PLPPR1: variants seen among roughly 807,000 people sequenced by gnomAD.
PLPPR1 encodes the protein phospholipid phosphatase related 1, also known as phospholipid phosphatase-related protein type 1.
In PLPPR1, 10 loss-of-function variants were observed where a neutral mutation model predicts 33.1. The observed-to-expected ratio is 0.30, with a 90% CI of 0.19 to 0.51. The LOEUF (loss-of-function observed/expected upper bound fraction) is 0.51, where lower values mean the gene tolerates loss of function less well. Ranked by LOEUF, PLPPR1 falls within the 20% of genes least tolerant of loss-of-function variation. PLPPR1 has a pLI of 0.97. For missense variants in PLPPR1, 304 were observed against 408.1 expected (o/e 0.74, Z 2.20); for synonymous variants, 151 against 151.0 (o/e 1.00, Z 0.00).
At chr9:101,180,089 CTCCTT>C (rs1826075396) in intron 1 of PLPPR1, among the ~76,000 whole-genome samples, 1 of 114,600 alleles carries the variant, frequency 8.7e-6, no homozygotes, top group Non-Finnish European at 1.8e-5. Context: ...TTAATAAACT[CTCCTT>C]TATATATATA....
chr9:101,150,535 CTGTTA>C (rs1445991142), intron 1 of PLPPR1, among the ~76,000 whole-genome samples: 2 of 152,176 alleles, frequency 1.3e-5, no homozygotes, highest in African/African-American at 4.8e-5. Context: ...CTCACAAAAT[CTGTTA>C]TGTTTTGTGT....
intron 3 of PLPPR1, among the ~76,000 whole-genome samples, chr9:101,271,622 C>T (rs914692907): frequency 1.3e-5 from 2 of 152,164 alleles, no homozygotes; most frequent in East Asian, 1.9e-4. Flanking sequence ...CCACACCCCA[C>T]GTAAAACTAG....
At chr9:101,098,417 G>A (rs1830849196) in intron 1 of PLPPR1, among the ~76,000 whole-genome samples, 1 of 152,052 alleles carries the variant, frequency 6.6e-6, no homozygotes, top group Non-Finnish European at 1.5e-5. Context: ...CAGAAGGGGA[G>A]GTTGCATACC....
intron 2 of PLPPR1, among the ~76,000 whole-genome samples, chr9:101,257,875 G>A (rs554523414): frequency 2.6e-5 from 4 of 151,754 alleles, no homozygotes; most frequent in Non-Finnish European, 5.9e-5. Flanking sequence ...CCTTAAGTAA[G>A]TTATCTTTAT....
rs35191872 is a variant in PLPPR1 at position 101,062,533 on chromosome 9, TC to T, written c.-46+33433del. On this transcript the variant is annotated intron_variant, in intron 1 of 7. Transcript: ENST00000374874. ...TTTTAATGCTAGGTTATAGGCATAATCCTCACATATTTTAGTCTGTATTATT... is the reference window on the plus strand; with the variant it reads ...TTTTAATGCTAGGTTATAGGCATAATCTCACATATTTTAGTCTGTATTATT... Among the ~76,000 whole-genome samples the T allele has an allele frequency of 3.3e-5, 5 of 152,036 alleles. No homozygotes were observed. In the South Asian group the frequency reaches 1.0e-3, roughly 32 times the overall value.
chr9:101,304,576 T>C (rs938306435), intron 4 of PLPPR1, among the ~76,000 whole-genome samples: 8 of 152,244 alleles, frequency 5.3e-5, no homozygotes, highest in African/African-American at 1.9e-4. Context: ...CATACTAGTC[T>C]AAAATAGGAG....
chr9:101,190,985 A>G (rs529211503), intron 2 of PLPPR1, among the ~76,000 whole-genome samples: 1 of 152,284 alleles, frequency 6.6e-6, no homozygotes, highest in East Asian at 1.9e-4. Flanking sequence ...TCTTTTGTAC[A>G]TCTCCCAGTC....
At chr9:101,278,999 A>G (rs977127413) in intron 3 of PLPPR1, among the ~76,000 whole-genome samples, 3 of 152,234 alleles carry the variant, frequency 2.0e-5, no homozygotes, top group African/African-American at 7.2e-5. Context: ...TACTTCTACA[A>G]ATGTGTATAT....
At chr9:101,065,611 T>C (rs1386462702) in intron 1 of PLPPR1, among the ~76,000 whole-genome samples, 1 of 152,092 alleles carries the variant, frequency 6.6e-6, no homozygotes, top group Non-Finnish European at 1.5e-5. Flanking sequence ...ACCATCTCAG[T>C]AAAGTCTTCT....
intron 2 of PLPPR1, among the ~76,000 whole-genome samples, chr9:101,222,479 C>G (rs529474601): frequency 2.0e-5 from 3 of 152,034 alleles, no homozygotes; most frequent in Non-Finnish European, 4.4e-5. Flanking sequence ...CAGGAGGCAA[C>G]CTGTGTGTTT....
intron 1 of PLPPR1, among the ~76,000 whole-genome samples, chr9:101,046,496 G>T (rs1477439107): frequency 7.2e-6 from 1 of 138,796 alleles, no homozygotes; most frequent in Non-Finnish European, 1.5e-5. Context: ...CTTGAGTGCA[G>T]TGGCACGATC....
At chr9:101,108,960 ATT>A (rs5899429) in intron 1 of PLPPR1, among the ~76,000 whole-genome samples, 6 of 136,772 alleles carry the variant, frequency 4.4e-5, no homozygotes, top group Non-Finnish European at 7.7e-5. Flanking sequence ...GTCTTCAATA[ATT>A]TTTTTTTTTT....
At chr9:101,064,418 A>G (rs1191757132) in intron 1 of PLPPR1, among the ~76,000 whole-genome samples, 3 of 152,102 alleles carry the variant, frequency 2.0e-5, no homozygotes, top group African/African-American at 7.2e-5. Context: ...GAATGAATGA[A>G]TGGGGTTATG....
intron 2 of PLPPR1, among the ~76,000 whole-genome samples, chr9:101,229,637 G>T (rs766551756): frequency 1.3e-5 from 2 of 151,772 alleles, no homozygotes; most frequent in Admixed American, 6.6e-5. Flanking sequence ...TTAAAATAAG[G>T]TGTCCAATTC....
At chr9:101,296,089 C>T (rs1828630500) in intron 4 of PLPPR1, among the ~76,000 whole-genome samples, 1 of 152,028 alleles carries the variant, frequency 6.6e-6, no homozygotes, top group African/African-American at 2.4e-5. Flanking sequence ...CTACAATGAA[C>T]TCAAACAAAT....
chr9:101,216,807 T>C (rs1281573365), intron 2 of PLPPR1, among the ~76,000 whole-genome samples: 1 of 152,182 alleles, frequency 6.6e-6, no homozygotes, highest in East Asian at 1.9e-4. Flanking sequence ...ACTCTACTCA[T>C]CAAATGCCTG....
intron 1 of PLPPR1, among the ~76,000 whole-genome samples, chr9:101,105,776 G>A (rs898454537): frequency 3.0e-5 from 2 of 67,172 alleles, no homozygotes; most frequent in African/African-American, 1.3e-4. Flanking sequence ...ATTAATGTGT[G>A]GGAGTCTAAG....
chr9:101,155,425 A>C (rs1831667284), intron 1 of PLPPR1, among the ~76,000 whole-genome samples: 1 of 152,172 alleles, frequency 6.6e-6, no homozygotes, highest in African/African-American at 2.4e-5. Context: ...AGGGCAAGCA[A>C]GCATATATAT....
intron 1 of PLPPR1, among the ~76,000 whole-genome samples, chr9:101,075,483 A>C (rs1009500735): frequency 5.9e-5 from 9 of 152,212 alleles, no homozygotes; most frequent in Non-Finnish European, 1.3e-4. Context: ...TACATTTTCT[A>C]ATTACAGATG....
Sources: allele counts gnomAD v4.1 joint callset (sites outside exome capture counted in the v4.1 genomes callset), GRCh38; gene constraint gnomAD v4.1.1; transcripts MANE v1.5; gene names NCBI Gene and HGNC (gene_info 2026-07-23, HGNC 2026-07-21).